The following RIMBP2 variants were observed in gnomAD, a reference collection of about 807,000 sequenced individuals.
The protein encoded by RIMBP2 is RIMS-binding protein 2.
In RIMBP2, 48 loss-of-function variants were observed where a neutral mutation model predicts 118.6. The ratio of observed to expected loss-of-function variants is 0.40; its 90% CI spans 0.32 to 0.51. The LOEUF (loss-of-function observed/expected upper bound fraction) is 0.51, where lower values mean the gene tolerates loss of function less well. Ranked by LOEUF, RIMBP2 falls within the 20% of genes least tolerant of loss-of-function variation. The pLI is 0.41. For synonymous variants in RIMBP2, 762 were observed against 742.9 expected, an observed-to-expected ratio of 1.03 and a Z score of -0.42; for missense variants, 1,551 against 1,768.3, an observed-to-expected ratio of 0.88 and a Z score of 2.20.
At chr12:130,667,102 GAAAAAAAGGAA>G (rs2063974823) in intron 1 of RIMBP2, among the ~76,000 whole-genome samples, 5 of 65,052 alleles carry the variant, frequency 7.7e-5, no homozygotes, top group South Asian at 5.4e-4. Flanking sequence ...GAGGATGGGA[GAAAAAAAGGAA>G]TGAGGGAGGG....
Position 130,495,932 on chromosome 12 carries a change from A to G in RIMBP2, c.-4+10716T>C, listed in dbSNP as rs561020223. On this transcript the variant is annotated intron_variant, in intron 4 of 22. Transcript: ENST00000690449. ...TTCAAATTTGAACTCAGACTGGTCT[A>G]ACTAAAAGCCCAAAGTCTTTGAATT... Among the ~76,000 whole-genome samples, 5 of 152,356 alleles carry G rather than the reference A, an allele frequency of 3.3e-5. No individual in the cohort carries two copies. The East Asian group carries it at 9.6e-4, about 29-fold the overall frequency.
At chr12:130,526,983 A>G (rs747618772) in intron 2 of RIMBP2, among the ~76,000 whole-genome samples, 7 of 152,106 alleles carry the variant, frequency 4.6e-5, no homozygotes, top group Non-Finnish European at 1.0e-4. Flanking sequence ...AGGAGAAACC[A>G]CAGGGTGGAA....
rs368392616 is a variant in RIMBP2 at position 130,507,839 on chromosome 12, G to A, written c.-126-1069C>T. The stretch of plus-strand genomic sequence containing the variant: ...CAATAACAGACTAACATAATGTCAC[G>A]CTTTTCAGCTGCAGAAGTCCTTTCT... On this transcript the variant is annotated intron_variant, in intron 3 of 22. Coordinates refer to ENST00000690449, the MANE Select transcript of RIMBP2 (RefSeq NM_001393629.1). Among the ~76,000 whole-genome samples the A allele has an allele frequency of 3.9e-5, 6 of 152,182 alleles. No homozygotes were observed. In the East Asian group the frequency reaches 5.8e-4, roughly 15 times the overall value.
intron 17 of RIMBP2, 52 bp from the exon 18 acceptor site, chr12:130,414,358 G>T: frequency 6.7e-7 from 1 of 1,500,336 alleles, no homozygotes; most frequent in South Asian, 1.3e-5. Context: ...TAACTGAGGA[G>T]CGTGCACGGG....
intron 10 of RIMBP2, among the ~76,000 whole-genome samples, chr12:130,443,799 G>C (rs759320623): frequency 6.6e-6 from 1 of 152,230 alleles, no homozygotes; most frequent in East Asian, 1.9e-4. Context: ...GGTGGTGATG[G>C]TTATGAAGAT....
rs2074291249 is a variant in RIMBP2, at chr12:130,399,199, T to C, written c.3900+480A>G. The C allele has an allele frequency of 7.8e-6, 9 of 1,153,440 alleles. No individual in the cohort carries two copies. In the East Asian group the frequency reaches 3.0e-4, roughly 38 times the overall value. The allele number at this position is 1,153,440 out of a possible 1,614,324, so 71.5% of individuals were successfully genotyped here. ...AGATGAGCAAAGAAATAAAAATATA[T>C]ATATAAAAATATAATATAGAAAAAC... is the stretch of plus-strand genomic sequence containing the variant. On this transcript the variant is annotated intron_variant, in intron 22 of 22. Transcript: ENST00000690449.
chr12:130,661,412 G>T (rs944531667), intron 1 of RIMBP2, among the ~76,000 whole-genome samples: 2 of 152,154 alleles, frequency 1.3e-5, no homozygotes, highest in Non-Finnish European at 2.9e-5. Context: ...TCCTTTCCAT[G>T]GCCCTCTAGC....
chr12:130,637,332 C>T (rs2062397103), intron 1 of RIMBP2, among the ~76,000 whole-genome samples: 1 of 152,188 alleles, frequency 6.6e-6, no homozygotes, highest in East Asian at 1.9e-4. Context: ...GCCCATGGGG[C>T]CCCTCCCAGC....
intron 2 of RIMBP2, among the ~76,000 whole-genome samples, chr12:130,544,063 G>C (rs2054864116): frequency 6.6e-6 from 1 of 152,148 alleles, no homozygotes; most frequent in Admixed American, 6.5e-5. Context: ...ATCTTACATA[G>C]CCTGGAACCT....
At chr12:130,649,968 A>C (rs1387837333) in intron 1 of RIMBP2, among the ~76,000 whole-genome samples, 1 of 152,040 alleles carries the variant, frequency 6.6e-6, no homozygotes, top group Non-Finnish European at 1.5e-5. Flanking sequence ...GAGATTCAAC[A>C]GGAACAAGCG....
chr12:130,457,711 C>G (rs2079572360), intron 6 of RIMBP2, among the ~76,000 whole-genome samples: 1 of 152,212 alleles, frequency 6.6e-6, no homozygotes, highest in African/African-American at 2.4e-5. Flanking sequence ...CACTCTCGGC[C>G]CCAAGCCTCT....
At chr12:130,428,495 A>T (rs1177325768) in intron 14 of RIMBP2, 158 bp from the exon 15 acceptor site, 1 of 668,206 alleles carries the variant, frequency 1.5e-6, no homozygotes, top group East Asian at 3.0e-5. Context: ...CTGGAAAGTG[A>T]GGCTGGAGAG....
intron 7 of RIMBP2, among the ~76,000 whole-genome samples, chr12:130,451,703 C>T (rs1025355827): frequency 2.0e-5 from 3 of 152,248 alleles, no homozygotes; most frequent in Non-Finnish European, 4.4e-5. Context: ...CCTGCACCTG[C>T]GAGAGGAACG....
At position 130,531,452 on chromosome 12, in the gene RIMBP2, TA is replaced by T. The variant is rs545968759; in HGVS notation, c.-216-13536del. Among the ~76,000 whole-genome samples, 65 of 152,374 alleles carry T rather than the reference TA, an allele frequency of 4.3e-4. 1 individual carries two copies. The highest frequency in any genetic ancestry group is 6.8e-3 in the Middle Eastern group (2 of 294). On this transcript the variant is annotated intron_variant, in intron 2 of 22. Coordinates refer to ENST00000690449, the MANE Select transcript of RIMBP2 (RefSeq NM_001393629.1). Reference sequence around the variant, plus strand: ...AAAATATAGATTTTTAATGTCTGGATATTTATCTCAACATTTTATCTAGGAC... The same window carrying T: ...AAAATATAGATTTTTAATGTCTGGATTTTATCTCAACATTTTATCTAGGAC...
intron 1 of RIMBP2, among the ~76,000 whole-genome samples, chr12:130,646,120 CACCT>C (rs2062896892): frequency 8.6e-6 from 1 of 116,366 alleles, no homozygotes; most frequent in Non-Finnish European, 1.9e-5. Flanking sequence ...CCTCCCTCAC[CACCT>C]GCCTCTCCAC....
At chr12:130,649,842 G>C (rs1312993916) in intron 1 of RIMBP2, among the ~76,000 whole-genome samples, 2 of 151,992 alleles carry the variant, frequency 1.3e-5, no homozygotes, top group Non-Finnish European at 2.9e-5. Context: ...GGTGCTGGGA[G>C]TACTCTACTC....
Position 130,622,417 on chromosome 12 carries a change from CT to C in RIMBP2, c.-217+5904del, listed in dbSNP as rs2061374369. 2.6e-5 allele frequency among the ~76,000 whole-genome samples: 4 copies of C among 152,224 alleles called. No individual in the cohort carries two copies. Among genetic ancestry groups the C allele is most frequent in the South Asian group, 2.1e-4 (1 of 4,814 alleles). ...TAACACAAAACTGTTGGTTAATTCA[CT>C]AGTTATTTTGTACATAAATTCACTA... On this transcript the variant is annotated intron_variant, in intron 2 of 22. Transcript: ENST00000690449. This position sits in a 1 kb window ranked among gnomAD's most constrained non-coding sequence, Gnocchi z 8.5.
chr12:130,618,121 T>C (rs1008518327), intron 2 of RIMBP2, among the ~76,000 whole-genome samples: 5 of 151,930 alleles, frequency 3.3e-5, no homozygotes, highest in Admixed American at 6.6e-5. Flanking sequence ...GAGTTAATGA[T>C]GTTCTCCACT....
At chr12:130,494,172 G>T (rs1242601077) in intron 4 of RIMBP2, among the ~76,000 whole-genome samples, 1 of 152,138 alleles carries the variant, frequency 6.6e-6, no homozygotes, top group Non-Finnish European at 1.5e-5. Context: ...CTGCGCTGGG[G>T]ACAGGGACAG....
Sources: allele counts gnomAD v4.1 joint callset (sites outside exome capture counted in the v4.1 genomes callset), GRCh38; gene constraint gnomAD v4.1.1; non-coding constraint Gnocchi (gnomAD v3.1); transcripts MANE v1.5; gene names NCBI Gene and HGNC (gene_info 2026-07-23, HGNC 2026-07-21).